Variants in PALS2 observed in about 807,000 individuals in gnomAD.
The protein encoded by PALS2 is protein PALS2.
PALS2 carries 27 observed loss-of-function variants against 61.6 expected under a neutral mutation model. The ratio of observed to expected loss-of-function variants is 0.44; its 90% CI spans 0.32 to 0.60. The LOEUF (loss-of-function observed/expected upper bound fraction) is 0.60, where lower values mean the gene tolerates loss of function less well. PALS2 is among the 20% of genes least tolerant of loss of function. PALS2 has a pLI of 0.05. For missense variants in PALS2, 554 were observed against 639.4 expected (o/e 0.87, Z 1.44); for synonymous variants, 236 against 218.6 (o/e 1.08, Z -0.70).
chr7:24,682,745 C>CA (rs945947432), intron 11 of PALS2, among the ~76,000 whole-genome samples: 1 of 152,098 alleles, frequency 6.6e-6, no homozygotes, highest in African/African-American at 2.4e-5. Context: ...TTCTCACTGC[C>CA]ACCCTCCCTT....
In PALS2 at chr7:24,688,089, T is replaced by G. The variant is rs184965549; in HGVS notation, c.*475T>G. The G allele has an allele frequency of 6.6e-6, 1 of 152,474 alleles. No individual in the cohort carries two copies. Among genetic ancestry groups the G allele is most frequent in the East Asian group, 1.9e-4 (1 of 5,198 alleles). 9.4% of individuals were successfully genotyped at this position (152,474 alleles called of 1,614,324 possible). A position where few individuals can be genotyped will look rare whatever the true frequency, so the allele number is the denominator to read the frequency against. On this transcript the variant is annotated 3_prime_UTR_variant, in exon 12 of 12. Coordinates refer to ENST00000222644, the MANE Select transcript of PALS2 (RefSeq NM_001303037.2). ...GTTATTGACCTTCCTTCTTATAAAT[T>G]TCTTACAAAAGCAGAATTTTAAGTC...
At chr7:24,685,124 T>G (rs141148301) in intron 11 of PALS2, among the ~76,000 whole-genome samples, 40 of 152,248 alleles carry the variant, frequency 2.6e-4, no homozygotes, top group African/African-American at 8.9e-4. Context: ...GCTCCCACCC[T>G]GACAGGCCCC....
At chr7:24,661,938 C>G (rs1223224348) in intron 5 of PALS2, among the ~76,000 whole-genome samples, 1 of 152,094 alleles carries the variant, frequency 6.6e-6, no homozygotes, top group Non-Finnish European at 1.5e-5. Flanking sequence ...TCTTATCCGC[C>G]AACTAAATTT....
rs1300194797 is a variant in PALS2, at chr7:24,649,600, G to A, written c.271-12G>A. 1 of 1,539,846 alleles carries A rather than the reference G, an allele frequency of 6.5e-7. No homozygotes were observed. Among genetic ancestry groups the A allele is most frequent in the South Asian group, 1.3e-5 (1 of 76,232 alleles). On this transcript the variant is annotated splice_polypyrimidine_tract_variant and intron_variant, in intron 3 of 11. Transcript: ENST00000222644. ...ATCATAAATAACCACAGGCTATTTT[G>A]ACTCCTTATAGTCACTGTTGGAGGC...
At chr7:24,629,314 T>C (rs1338696499) in intron 2 of PALS2, among the ~76,000 whole-genome samples, 3 of 152,188 alleles carry the variant, frequency 2.0e-5, no homozygotes, top group Non-Finnish European at 4.4e-5. Context: ...ACCCCTTCCT[T>C]ACACCTTATT....
At chr7:24,665,464 A>T in intron 6 of PALS2, 124 bp from the exon 7 acceptor site, 2 of 739,506 alleles carry the variant, frequency 2.7e-6, no homozygotes, top group Non-Finnish European at 4.5e-6. Flanking sequence ...CTATGGATTT[A>T]AATCTCAAGG....
chr7:24,669,665 TG>T (rs1314579641), intron 9 of PALS2, among the ~76,000 whole-genome samples: 4 of 152,206 alleles, frequency 2.6e-5, no homozygotes, highest in African/African-American at 9.6e-5. Flanking sequence ...TCCCTGGTTT[TG>T]TCCAGTATAT....
intron 1 of PALS2, among the ~76,000 whole-genome samples, chr7:24,587,800 A>G (rs1041482342): frequency 1.3e-5 from 2 of 152,160 alleles, no homozygotes; most frequent in African/African-American, 4.8e-5. Flanking sequence ...TAGCAAATAC[A>G]TCTTACAACC....
intron 8 of PALS2, 96 bp from the exon 9 acceptor site, chr7:24,668,400 AACT>A: frequency 8.9e-7 from 1 of 1,126,728 alleles, no homozygotes; most frequent in Non-Finnish European, 1.2e-6. Context: ...AGTGATATTT[AACT>A]ATCAAGACAG....
intron 9 of PALS2, chr7:24,674,424 TC>T: frequency 6.5e-6 from 1 of 153,332 alleles, no homozygotes; most frequent in Middle Eastern, 3.4e-3. Context: ...ACAGTGCTGA[TC>T]TTTTTCCCAT....
At chr7:24,616,471 CTGAAA>C (rs1303673530) in intron 1 of PALS2, among the ~76,000 whole-genome samples, 3 of 152,058 alleles carry the variant, frequency 2.0e-5, no homozygotes, top group Admixed American at 2.0e-4. Flanking sequence ...TCTGTTTTAT[CTGAAA>C]TGAAATAAGT....
intron 1 of PALS2, among the ~76,000 whole-genome samples, chr7:24,581,696 C>T (rs1316037167): frequency 6.6e-6 from 1 of 152,178 alleles, no homozygotes; most frequent in Admixed American, 6.5e-5. Flanking sequence ...CAGCCCCCCT[C>T]AACAAGGAGT....
chr7:24,668,735 T>C, intron 9 of PALS2, 75 bp downstream of exon 9: 1 of 1,493,282 alleles, frequency 6.7e-7, no homozygotes, highest in East Asian at 2.3e-5. Flanking sequence ...GGGGGATTAT[T>C]ATCATTAGTT....
intron 2 of PALS2, among the ~76,000 whole-genome samples, chr7:24,625,524 G>A (rs2128058776): frequency 6.6e-6 from 1 of 152,320 alleles, no homozygotes; most frequent in East Asian, 1.9e-4. Context: ...GCAAAAGACA[G>A]ATGAGGTTTA....
chr7:24,688,334 CTAATT>C lies in PALS2; in HGVS notation c.*724_*728del, dbSNP rs1453495541. On this transcript the variant is annotated 3_prime_UTR_variant, in exon 12 of 12. Transcript: ENST00000222644. ...ATTTGTTGCAGTGATATGATGCTAA[CTAATT>C]TAACATGTACACAGTAAGCTCTGGG... The C allele has an allele frequency of 3.9e-5, 6 of 152,264 alleles. No individual in the cohort carries two copies. The highest frequency in any genetic ancestry group is 2.6e-4 in the Admixed American group (4 of 15,262). The allele number at this position is 152,264 out of a possible 1,614,324, so 9.4% of individuals were successfully genotyped here.
At chr7:24,630,190 A>G (rs534182294) in intron 2 of PALS2, among the ~76,000 whole-genome samples, 5 of 152,342 alleles carry the variant, frequency 3.3e-5, no homozygotes, top group Admixed American at 1.3e-4. Context: ...ACATTGATAG[A>G]GCTGTAAACC....
intron 1 of PALS2, among the ~76,000 whole-genome samples, chr7:24,580,663 G>A (rs1307625115): frequency 6.6e-6 from 1 of 152,180 alleles, no homozygotes; most frequent in African/African-American, 2.4e-5. Context: ...TTATAACACA[G>A]TGCTTATACA....
chr7:24,672,280 T>C (rs774139138), intron 9 of PALS2, among the ~76,000 whole-genome samples: 5 of 151,768 alleles, frequency 3.3e-5, no homozygotes, highest in Non-Finnish European at 5.9e-5. Context: ...CAGGCTGGAG[T>C]GCAATGGCAT....
rs1189968561 is a variant in PALS2 at position 24,618,882 on chromosome 7, G to T, written c.-2-4784G>T. On this transcript the variant is annotated intron_variant, in intron 1 of 11. Transcript: ENST00000222644. This position sits in a 1 kb window ranked among gnomAD's most constrained non-coding sequence, Gnocchi z 5.1. ...AAATCTTAGCTGTTTATTTATTGCC[G>T]TGGTCCTTTCTTGAAGCGGAGGAAT... Among the ~76,000 whole-genome samples the T allele has an allele frequency of 6.6e-6, 1 of 152,188 alleles. No individual in the cohort carries two copies. Among genetic ancestry groups the T allele is most frequent in the Non-Finnish European group, 1.5e-5 (1 of 68,034 alleles).
Sources: allele counts gnomAD v4.1 joint callset (sites outside exome capture counted in the v4.1 genomes callset), GRCh38; gene constraint gnomAD v4.1.1; non-coding constraint Gnocchi (gnomAD v3.1); transcripts MANE v1.5; gene names NCBI Gene and HGNC (gene_info 2026-07-23, HGNC 2026-07-21).